Variants in CSMD2 observed in about 807,000 individuals in gnomAD.
CSMD2 encodes the protein CUB and Sushi multiple domains 2.
In CSMD2, 130 loss-of-function variants were observed where a neutral mutation model predicts 398.5. The ratio of observed to expected loss-of-function variants is 0.33; its 90% CI spans 0.28 to 0.38. CSMD2 has a LOEUF of 0.38. CSMD2 is among the 10% of genes least tolerant of loss of function. CSMD2 has a pLI of 1.00. For missense variants in CSMD2, 3,829 were observed against 4,764.9 expected (o/e 0.80, Z 5.78); for synonymous variants, 1,828 against 1,908.5 (o/e 0.96, Z 1.10).
intron 3 of CSMD2, among the ~76,000 whole-genome samples, chr1:33,980,987 G>A (rs963804840): frequency 1.3e-5 from 2 of 152,140 alleles, no homozygotes; most frequent in Non-Finnish European, 2.9e-5. Context: ...GCATGGGAGG[G>A]GAGGGAAAAG....
intron 1 of CSMD2, among the ~76,000 whole-genome samples, chr1:34,122,082 C>T (rs1662247690): frequency 6.6e-6 from 1 of 150,472 alleles, no homozygotes; most frequent in East Asian, 2.0e-4. Flanking sequence ...TCTAGCAGAA[C>T]AACGGTTCTA....
chr1:33,975,862 G>A lies in CSMD2; in HGVS notation c.518-39908C>T, dbSNP rs77510933. 6.0e-3 allele frequency among the ~76,000 whole-genome samples: 914 copies of A among 152,304 alleles called. 4 individuals carry two copies. The highest frequency in any genetic ancestry group is 9.5e-3 in the Non-Finnish European group (644 of 68,034). On this transcript the variant is annotated intron_variant, in intron 3 of 70. Coordinates refer to ENST00000373381, the MANE Select transcript of CSMD2 (RefSeq NM_001281956.2). ...TTGATAGGGAGAAACCCAGCAGGTG[G>A]AACCAGTGTATTCCTCGCTCCCTCC... is the stretch of plus-strand genomic sequence containing the variant.
chr1:33,900,842 C>T (rs147986853), intron 5 of CSMD2, among the ~76,000 whole-genome samples: 5 of 151,874 alleles, frequency 3.3e-5, no homozygotes, highest in African/African-American at 1.2e-4. Context: ...AACCTTAGTA[C>T]AGTGCCTGAA....
chr1:33,967,568 A>G (rs1645606028), intron 3 of CSMD2, among the ~76,000 whole-genome samples: 1 of 152,112 alleles, frequency 6.6e-6, no homozygotes, highest in African/African-American at 2.4e-5. Context: ...TCCCAGCCAA[A>G]CGTCCATGAT....
At chr1:34,028,762 G>A (rs558052837) in intron 3 of CSMD2, among the ~76,000 whole-genome samples, 1 of 152,348 alleles carries the variant, frequency 6.6e-6, no homozygotes, top group South Asian at 2.1e-4. Context: ...CTGGCATACA[G>A]TCGGTGCTTA....
At chr1:33,874,525 G>A (rs891189263) in intron 5 of CSMD2, among the ~76,000 whole-genome samples, 5 of 152,202 alleles carry the variant, frequency 3.3e-5, no homozygotes, top group Non-Finnish European at 2.9e-5. Flanking sequence ...GTGTGTGGAA[G>A]GGACATGTAT....
At chr1:34,032,426 G>A (rs1038955485) in intron 3 of CSMD2, among the ~76,000 whole-genome samples, 168 bp downstream of exon 3, 4 of 152,198 alleles carry the variant, frequency 2.6e-5, no homozygotes, top group African/African-American at 9.6e-5. Context: ...GGAACCAAGA[G>A]GGACAATTTA....
At chr1:33,995,042 G>A (rs1052233385) in intron 3 of CSMD2, among the ~76,000 whole-genome samples, 17 of 148,460 alleles carry the variant, frequency 1.1e-4, no homozygotes, top group African/African-American at 3.0e-4. Flanking sequence ...CCAGCCTGGC[G>A]ACAGAGCAAG....
At chr1:33,949,581 G>A (rs749562675) in intron 3 of CSMD2, among the ~76,000 whole-genome samples, 4 of 152,240 alleles carry the variant, frequency 2.6e-5, no homozygotes, top group Non-Finnish European at 5.9e-5. Flanking sequence ...TCCCCTCTCT[G>A]ATCCTCGCCT....
intron 4 of CSMD2, among the ~76,000 whole-genome samples, chr1:33,922,710 T>C (rs1318702700): frequency 3.9e-5 from 6 of 151,952 alleles, no homozygotes; most frequent in Admixed American, 1.3e-4. Context: ...TCAGGGGACA[T>C]CCTCAACTCC....
chr1:33,622,409 C>G (rs987902201), intron 36 of CSMD2, 138 bp from the exon 37 acceptor site: 3 of 656,290 alleles, frequency 4.6e-6, no homozygotes, highest in Non-Finnish European at 2.8e-6. Context: ...ATGAAACTCA[C>G]TAAATGACAA....
chr1:33,937,201 C>G (rs959130469), intron 3 of CSMD2, among the ~76,000 whole-genome samples: 1 of 152,158 alleles, frequency 6.6e-6, no homozygotes, highest in Admixed American at 6.5e-5. Context: ...ATCTAACCCT[C>G]GGTACAGTGG....
rs1553253405 is a variant in CSMD2, at chr1:33,920,564, A to AAAAAAG, written c.713-2264_713-2263insCTTTTT. On this transcript the variant is annotated intron_variant, in intron 4 of 70. Coordinates refer to ENST00000373381, the MANE Select transcript of CSMD2 (RefSeq NM_001281956.2). ...TCTCAAAAAAAAAAAAAAAAAAAAAAAGAGACCCAAAGGGCTGGAATGCAG... is the reference window on the plus strand; with the variant it reads ...TCTCAAAAAAAAAAAAAAAAAAAAAAAAAAAGAGAGACCCAAAGGGCTGGAATGCAG... 2.3e-4 allele frequency among the ~76,000 whole-genome samples: 33 copies of AAAAAAG among 144,596 alleles called. 1 individual carries two copies. The highest frequency in any genetic ancestry group is 3.8e-4 in the Non-Finnish European group (25 of 65,402). 94.9% of individuals were successfully genotyped at this position (144,596 alleles called of 152,430 possible). A position where few individuals can be genotyped will look rare whatever the true frequency, so the allele number is the denominator to read the frequency against.
At chr1:33,681,463 T>C (rs1017088275) in intron 25 of CSMD2, among the ~76,000 whole-genome samples, 2 of 152,138 alleles carry the variant, frequency 1.3e-5, no homozygotes, top group African/African-American at 4.8e-5. Flanking sequence ...CTTAAAAAGG[T>C]TTCACCTTTC....
intron 2 of CSMD2, among the ~76,000 whole-genome samples, chr1:34,066,886 G>C (rs1056768662): frequency 2.0e-5 from 3 of 152,138 alleles, no homozygotes; most frequent in Admixed American, 2.0e-4. Flanking sequence ...GGTGGAGAGC[G>C]ACACTCAATC....
intron 21 of CSMD2, among the ~76,000 whole-genome samples, chr1:33,713,772 G>A (rs1571314227): frequency 1.3e-5 from 2 of 152,204 alleles, no homozygotes; most frequent in Non-Finnish European, 2.9e-5. Flanking sequence ...TTGGTCCTCT[G>A]TTCCCTCTTC....
chr1:34,045,474 T>C (rs1652413341), intron 2 of CSMD2, among the ~76,000 whole-genome samples: 1 of 152,224 alleles, frequency 6.6e-6, no homozygotes, highest in Admixed American at 6.5e-5. Flanking sequence ...ACCCAACTTA[T>C]GTCCAAAGGA....
Position 33,851,003 on chromosome 1 carries a change from C to A in CSMD2, c.921-4007G>T, listed in dbSNP as rs116612487. On this transcript the variant is annotated intron_variant, in intron 5 of 70. Transcript: ENST00000373381. ...CGGGATGTTGGGGAGCTGAGAGATA[C>A]CCCCATCAAGATGACAACAGTGACT... is the stretch of plus-strand genomic sequence containing the variant. 2.6e-5 allele frequency among the ~76,000 whole-genome samples: 4 copies of A among 152,210 alleles called. No individual in the cohort carries two copies. The East Asian group carries it at 5.8e-4, about 22-fold the overall frequency.
Position 33,572,646 on chromosome 1 carries a change from A to G in CSMD2, c.7622T>C (p.Phe2541Ser). Reference sequence around the variant, plus strand: ...GGTTCCCACTGTGTACTCCTTGCCAAACACCATTCCATTCTTGGGGGCCTC... The same window carrying G: ...GGTTCCCACTGTGTACTCCTTGCCAGACACCATTCCATTCTTGGGGGCCTC... The part of the protein sequence containing the change: ...LPEAPKNGMV[F>S]GKEYTVGTKA... The change falls in exon 50 of 71, where the codon TTT (phenylalanine) becomes TCT (serine). Residue 2541 changes from phenylalanine (F) to serine (S), a missense_variant. By Grantham distance (155) the Phe-to-Ser change is radical (BLOSUM62 -2). Transcript: ENST00000373381. 6.2e-7 allele frequency: 1 copy of G among 1,613,748 alleles called. No individual in the cohort carries two copies. Among genetic ancestry groups the G allele is most frequent in the African/African-American group, 1.3e-5 (1 of 75,028 alleles).
Sources: allele counts gnomAD v4.1 joint callset (sites outside exome capture counted in the v4.1 genomes callset), GRCh38; gene constraint gnomAD v4.1.1; transcripts MANE v1.5; gene names NCBI Gene and HGNC (gene_info 2026-07-23, HGNC 2026-07-21).